The following AGMO variants were observed in gnomAD, a reference collection of about 807,000 sequenced individuals.
AGMO encodes glyceryl-ether monooxygenase.
A neutral mutation model predicts 60.2 loss-of-function variants in AGMO; 75 were observed. That is an observed-to-expected ratio of 1.25 (90% CI 1.03 to 1.51). The LOEUF (loss-of-function observed/expected upper bound fraction) is 1.51, where lower values mean the gene tolerates loss of function less well. AGMO is among the 40% of genes most tolerant of loss of function. The probability of loss-of-function intolerance (pLI) is 0.00; values close to 1 mark genes in which losing one functional copy is unlikely to be tolerated. For missense variants in AGMO, 763 were observed against 525.5 expected, an observed-to-expected ratio of 1.45 and a Z score of -4.42; for synonymous variants, 261 against 177.1, an observed-to-expected ratio of 1.47 and a Z score of -3.76.
At chr7:15,429,129 T>A (rs574475895) in intron 4 of AGMO, among the ~76,000 whole-genome samples, 1 of 152,198 alleles carries the variant, frequency 6.6e-6, no homozygotes, top group African/African-American at 2.4e-5. Context: ...GCATAAGCTA[T>A]AGGTTATGAA....
At chr7:15,171,061 C>T in the AGMO span, among the ~76,000 whole-genome samples, 10 of 152,002 alleles carry the variant, frequency 6.6e-5, no homozygotes, top group Non-Finnish European at 1.5e-4. Flanking sequence ...CTGAAAGCTC[C>T]GTCTCCCAGG....
chr7:15,390,949 A>T (rs1297570522), intron 6 of AGMO, 44 bp from the exon 7 acceptor site: 12 of 1,252,540 alleles, frequency 9.6e-6, no homozygotes, highest in South Asian at 1.4e-5. Context: ...AAAAATAGTT[A>T]TGCTTTTTGA....
intron 12 of AGMO, among the ~76,000 whole-genome samples, chr7:15,206,186 T>C (rs1487627625): frequency 6.6e-6 from 1 of 152,122 alleles, no homozygotes; most frequent in Non-Finnish European, 1.5e-5. Context: ...GAATATAAAT[T>C]AGAGCCAAAT....
chr7:15,246,807 C>T (rs1782756440), intron 12 of AGMO, among the ~76,000 whole-genome samples: 1 of 152,128 alleles, frequency 6.6e-6, no homozygotes, highest in African/African-American at 2.4e-5. Context: ...TCCTCTTCTC[C>T]TCTTGAAAGC....
chr7:15,402,294 A>G (rs944801344), intron 5 of AGMO, among the ~76,000 whole-genome samples: 43 of 149,238 alleles, frequency 2.9e-4, no homozygotes, highest in African/African-American at 1.1e-3. Context: ...CTCCTCTTTT[A>G]TTTTTTTCTC....
At chr7:15,187,449 T>G in the AGMO span, among the ~76,000 whole-genome samples, 1 of 152,240 alleles carries the variant, frequency 6.6e-6, no homozygotes, top group South Asian at 2.1e-4. Flanking sequence ...TTGGATGACA[T>G]CTTGGGCAGC....
At chr7:15,340,043 T>C (rs1468994344) in intron 12 of AGMO, among the ~76,000 whole-genome samples, 2 of 152,168 alleles carry the variant, frequency 1.3e-5, no homozygotes, top group Non-Finnish European at 2.9e-5. Flanking sequence ...CCAAGTTGCT[T>C]GAGACTAGAA....
At chr7:15,213,451 T>C (rs189116501) in intron 12 of AGMO, among the ~76,000 whole-genome samples, 169 of 151,954 alleles carry the variant, frequency 1.1e-3, no homozygotes, top group Non-Finnish European at 1.9e-3. Context: ...ATTAAAAAAA[T>C]ATAAATTTCC....
chr7:15,432,815 C>T (rs940812188), intron 3 of AGMO, among the ~76,000 whole-genome samples: 1 of 151,910 alleles, frequency 6.6e-6, no homozygotes, highest in South Asian at 2.1e-4. Flanking sequence ...TGAAATAACA[C>T]AGAACCAAAT....
chr7:15,387,582 T>C (rs371085474), intron 8 of AGMO, 42 bp from the exon 9 acceptor site: 12 of 1,531,876 alleles, frequency 7.8e-6, no homozygotes, highest in African/African-American at 1.4e-5. Flanking sequence ...ATAAGATAAA[T>C]AGGAAAGATT....
At chr7:15,179,053 T>A in the AGMO span, among the ~76,000 whole-genome samples, 1 of 152,166 alleles carries the variant, frequency 6.6e-6, no homozygotes, top group African/African-American at 2.4e-5. Context: ...CTTTTAATAG[T>A]CTCATTTCTT....
chr7:15,232,827 A>ACACACACAC (rs765250048), intron 12 of AGMO, among the ~76,000 whole-genome samples: 5 of 151,416 alleles, frequency 3.3e-5, no homozygotes, highest in Non-Finnish European at 7.4e-5. Context: ...ACACACACAC[A>ACACACACAC]AAAACTAAAG....
chr7:15,428,029 C>CA (rs374679227), intron 4 of AGMO, among the ~76,000 whole-genome samples: 3 of 151,960 alleles, frequency 2.0e-5, no homozygotes, highest in Admixed American at 6.6e-5. Context: ...TTTCACATTT[C>CA]ATTTCACAGA....
At chr7:15,315,430 C>T (rs1234554487) in intron 12 of AGMO, among the ~76,000 whole-genome samples, 1 of 147,834 alleles carries the variant, frequency 6.8e-6, no homozygotes, top group Non-Finnish European at 1.5e-5. Context: ...CTCCGATTCC[C>T]TAGTTCAAGC....
chr7:15,331,976 G>T (rs982182927), intron 12 of AGMO, among the ~76,000 whole-genome samples: 1 of 151,818 alleles, frequency 6.6e-6, no homozygotes, highest in African/African-American at 2.4e-5. Context: ...AATGGGAGCA[G>T]AGGTGAAATA....
intron 12 of AGMO, among the ~76,000 whole-genome samples, chr7:15,322,474 A>AT: frequency 9.5e-6 from 1 of 105,806 alleles, no homozygotes; most frequent in East Asian, 2.4e-4. Flanking sequence ...ATAAATATAT[A>AT]AATATATATA....
intron 9 of AGMO, among the ~76,000 whole-genome samples, chr7:15,387,157 G>A (rs766928234): frequency 9.2e-5 from 14 of 152,178 alleles, no homozygotes; most frequent in Non-Finnish European, 8.8e-5. Flanking sequence ...ATGAAAACCA[G>A]CCTCTGCAGC....
chr7:15,304,918 G>A (rs980203008), intron 12 of AGMO, among the ~76,000 whole-genome samples: 2 of 152,046 alleles, frequency 1.3e-5, no homozygotes, highest in Admixed American at 6.6e-5. Context: ...GTTAAATCTT[G>A]GAGAGCACAC....
At chr7:15,527,937 A>T (rs985311566) in intron 3 of AGMO, among the ~76,000 whole-genome samples, 2 of 152,184 alleles carry the variant, frequency 1.3e-5, no homozygotes, top group African/African-American at 4.8e-5. Context: ...CTGAAAAAAA[A>T]AGAATTCTTT....
Sources: allele counts gnomAD v4.1 joint callset (sites outside exome capture counted in the v4.1 genomes callset), GRCh38; gene constraint gnomAD v4.1.1; transcripts MANE v1.5; gene names NCBI Gene and HGNC (gene_info 2026-07-23, HGNC 2026-07-21).